Variants in MPDZ observed in about 807,000 individuals in gnomAD.
The protein encoded by MPDZ is multiple PDZ domain protein.
Under a neutral mutation model 239.1 loss-of-function variants are expected in MPDZ, and 234 were observed. That is an observed-to-expected ratio of 0.98 (90% CI 0.88 to 1.09). MPDZ has a LOEUF of 1.09. Ranked by LOEUF, MPDZ falls within the 50% of genes least tolerant of loss-of-function variation. The pLI is 0.00. For synonymous variants in MPDZ, 1,048 were observed against 881.3 expected (o/e 1.19, Z -3.35); for missense variants, 3,175 against 2,510.0 (o/e 1.26, Z -5.66).
At chr9:13,115,052 A>C (rs571063728) in intron 40 of MPDZ, among the ~76,000 whole-genome samples, 196 bp downstream of exon 40, 1 of 152,318 alleles carries the variant, frequency 6.6e-6, no homozygotes, top group African/African-American at 2.4e-5. Flanking sequence ...AATGACTTAC[A>C]AACTACTCAA....
At chr9:13,137,822 C>A (rs1160770897) in intron 29 of MPDZ, 135 bp downstream of exon 29, 9 of 892,524 alleles carry the variant, frequency 1.0e-5, no homozygotes, top group Non-Finnish European at 1.5e-5. Context: ...GCCAGATTTG[C>A]TGCAATGCAT....
At chr9:13,189,992 T>C in intron 16 of MPDZ, 122 bp downstream of exon 16, 2 of 812,804 alleles carry the variant, frequency 2.5e-6, no homozygotes, top group Non-Finnish European at 3.7e-6. Context: ...TATAAATCAC[T>C]ATTTTGAAAG....
Position 13,113,074 on chromosome 9 carries a change from A to G in MPDZ, c.5558-20T>C, listed in dbSNP as rs201173952. On this transcript the variant is annotated intron_variant, in intron 41 of 46. Coordinates refer to ENST00000319217, the MANE Select transcript of MPDZ (RefSeq NM_001378778.1). ...ATGCCACTGTAAAGGCAAAAAAGAT[A>G]AAATAGGGTTATTTTATGTTCATTC... The G allele has an allele frequency of 4.5e-6, 7 of 1,551,818 alleles. No individual in the cohort carries two copies. The South Asian group carries it at 4.8e-5, about 11-fold the overall frequency.
intron 8 of MPDZ, 54 bp downstream of exon 8, chr9:13,219,505 G>A (rs1370484330): frequency 1.2e-5 from 18 of 1,477,688 alleles, no homozygotes; most frequent in Middle Eastern, 3.5e-4. Context: ...CATCACTGTC[G>A]TCATCTAAGT....
intron 1 of MPDZ, among the ~76,000 whole-genome samples, chr9:13,271,092 C>G (rs1391652712): frequency 6.6e-6 from 1 of 152,162 alleles, no homozygotes; most frequent in East Asian, 1.9e-4. Context: ...AATCTCCTGA[C>G]TTTTTACTTA....
At chr9:13,122,490 G>T (rs1339308867) in intron 36 of MPDZ, among the ~76,000 whole-genome samples, 1 of 150,672 alleles carries the variant, frequency 6.6e-6, no homozygotes, top group Non-Finnish European at 1.5e-5. Context: ...ACATCTAGAA[G>T]ACTTTGTCTA....
chr9:13,255,165 AT>A (rs767564772), intron 1 of MPDZ, among the ~76,000 whole-genome samples: 4 of 152,208 alleles, frequency 2.6e-5, no homozygotes, highest in African/African-American at 7.2e-5. Flanking sequence ...TTACTCATCC[AT>A]AAAAAGCAAC....
At chr9:13,196,627 AT>A (rs1393255565) in intron 12 of MPDZ, among the ~76,000 whole-genome samples, 1 of 152,134 alleles carries the variant, frequency 6.6e-6, no homozygotes, top group Non-Finnish European at 1.5e-5. Flanking sequence ...AAAAAGGACT[AT>A]GCTATTATTT....
At chr9:13,209,669 T>C (rs1957387127) in intron 10 of MPDZ, among the ~76,000 whole-genome samples, 1 of 152,148 alleles carries the variant, frequency 6.6e-6, no homozygotes, top group Non-Finnish European at 1.5e-5. Context: ...GGAAAAAAGA[T>C]ATTTCCTGAA....
intron 6 of MPDZ, 91 bp downstream of exon 6, chr9:13,222,131 ACTCAAGAAGTG>A (rs1340747184): frequency 1.2e-6 from 1 of 837,022 alleles, no homozygotes; most frequent in Non-Finnish European, 1.8e-6. Context: ...TCAGACAAAA[ACTCAAGAAGTG>A]CAAAGACCCT....
intron 19 of MPDZ, among the ~76,000 whole-genome samples, chr9:13,183,135 T>C (rs1420157747): frequency 2.0e-5 from 3 of 152,230 alleles, no homozygotes; most frequent in South Asian, 4.1e-4. Flanking sequence ...TTGAGAAATA[T>C]ATGATGCTAA....
chr9:13,213,403 C>A (rs1292903768), intron 10 of MPDZ, among the ~76,000 whole-genome samples: 1 of 151,870 alleles, frequency 6.6e-6, no homozygotes, highest in East Asian at 1.9e-4. Flanking sequence ...ATCACTTCAA[C>A]AACTACAAAA....
chr9:13,193,728 A>T (rs1356380337), intron 13 of MPDZ, among the ~76,000 whole-genome samples: 2 of 152,224 alleles, frequency 1.3e-5, no homozygotes, highest in Non-Finnish European at 2.9e-5. Context: ...AACGGTCTTT[A>T]AAAATGATCA....
At chr9:13,173,699 T>A (rs1195840910) in intron 21 of MPDZ, among the ~76,000 whole-genome samples, 3 of 146,674 alleles carry the variant, frequency 2.0e-5, no homozygotes, top group Non-Finnish European at 4.5e-5. Flanking sequence ...AGCGAAACTC[T>A]CTCTCAAAAA....
intron 3 of MPDZ, among the ~76,000 whole-genome samples, chr9:13,244,145 C>T (rs907719377): frequency 6.6e-6 from 1 of 152,116 alleles, no homozygotes; most frequent in Non-Finnish European, 1.5e-5. Context: ...TAATTTAGTG[C>T]CACTGGTCAA....
intron 14 of MPDZ, 136 bp from the exon 15 acceptor site, chr9:13,192,431 C>G (rs1304450424): frequency 4.3e-6 from 3 of 699,226 alleles, no homozygotes; most frequent in African/African-American, 3.6e-5. Flanking sequence ...ATAGTGAGAC[C>G]TGTGGAAATA....
intron 10 of MPDZ, among the ~76,000 whole-genome samples, chr9:13,208,535 T>C (rs1556424): frequency 6.6e-6 from 1 of 151,596 alleles, no homozygotes; most frequent in African/African-American, 2.4e-5. Flanking sequence ...TGAAAGAATA[T>C]AATAAAACCT....
intron 14 of MPDZ, 63 bp from the exon 15 acceptor site, chr9:13,192,358 C>T: frequency 1.4e-6 from 2 of 1,401,894 alleles, no homozygotes; most frequent in Non-Finnish European, 2.0e-6. Flanking sequence ...CTTTTGAACA[C>T]AATTTTTTTA....
At chr9:13,112,253 AG>A (rs1418476011) in intron 42 of MPDZ, 107 bp from the exon 43 acceptor site, 80 of 1,172,822 alleles carry the variant, frequency 6.8e-5, no homozygotes, top group Non-Finnish European at 8.9e-5. Flanking sequence ...TCTAAGTGTG[AG>A]GGGGAAAATG....
Sources: gnomAD v4.1 joint callset for allele counts (sites outside exome capture counted in the v4.1 genomes callset) on GRCh38, gnomAD v4.1.1 for gene constraint, MANE v1.5 for transcripts, NCBI Gene and HGNC (gene_info 2026-07-23, HGNC 2026-07-21) for gene names.